COG5: variants seen among roughly 807,000 people sequenced by gnomAD.
COG5 encodes the protein conserved oligomeric Golgi complex subunit 5.
COG5 carries 86 observed loss-of-function variants against 110.4 expected under a neutral mutation model. The ratio of observed to expected loss-of-function variants is 0.78; its 90% CI spans 0.65 to 0.93. The LOEUF is 0.93. Among genes scored for constraint, COG5 ranks in the 40% least tolerant of loss-of-function variants. The pLI is 0.00. For synonymous variants in COG5, 360 were observed against 334.6 expected (o/e 1.08, Z -0.83); for missense variants, 1,077 against 987.0 (o/e 1.09, Z -1.22).
At chr7:107,432,336 T>C (rs1256486283) in intron 6 of COG5, among the ~76,000 whole-genome samples, 1 of 152,160 alleles carries the variant, frequency 6.6e-6, no homozygotes, top group East Asian at 1.9e-4. Context: ...GACAAAACAT[T>C]GCTGGGTTAA....
intron 6 of COG5, among the ~76,000 whole-genome samples, chr7:107,422,005 A>G (rs897621719): frequency 2.0e-5 from 3 of 152,186 alleles, no homozygotes; most frequent in Non-Finnish European, 2.9e-5. Flanking sequence ...AAACTTTGTT[A>G]TTAGAAAAAG....
At chr7:107,415,808 A>G (rs1335299396) in intron 6 of COG5, among the ~76,000 whole-genome samples, 1 of 111,464 alleles carries the variant, frequency 9.0e-6, no homozygotes, top group Admixed American at 8.9e-5. Flanking sequence ...ATGTGTGTAT[A>G]TATACACACA....
intron 17 of COG5, among the ~76,000 whole-genome samples, chr7:107,240,339 C>T (rs1259148010): frequency 6.6e-6 from 1 of 152,136 alleles, no homozygotes; most frequent in East Asian, 1.9e-4. Flanking sequence ...ACTCAGCCTC[C>T]CCAGTAGCTT....
intron 6 of COG5, among the ~76,000 whole-genome samples, chr7:107,428,549 G>C (rs547252112): frequency 2.0e-4 from 31 of 152,322 alleles, no homozygotes; most frequent in African/African-American, 7.2e-4. Flanking sequence ...AGAGCCTTCA[G>C]AGAGAGTATG....
Position 107,227,408 on chromosome 7 carries a change from T to TA in COG5, c.2168+3206dup, listed in dbSNP as rs544033829. Among the ~76,000 whole-genome samples the TA allele has an allele frequency of 4.8e-3, 707 of 147,066 alleles. 4 individuals carry two copies. Among genetic ancestry groups the TA allele is most frequent in the Middle Eastern group, 0.025 (7 of 284 alleles). The stretch of plus-strand genomic sequence containing the variant: ...CTGTTACGCCATAAGAAGCTAGATA[T>TA]AAAAAAAAAAGTAGAACTATTAAAA... On this transcript the variant is annotated intron_variant, in intron 19 of 21. Transcript: ENST00000297135.
intron 14 of COG5, among the ~76,000 whole-genome samples, chr7:107,274,016 A>G (rs1307034419): frequency 6.6e-6 from 1 of 151,982 alleles, no homozygotes; most frequent in Non-Finnish European, 1.5e-5. Context: ...ATCATTAAGT[A>G]AATTACCATA....
At chr7:107,240,254 C>G (rs973719218) in intron 17 of COG5, among the ~76,000 whole-genome samples, 1 of 152,202 alleles carries the variant, frequency 6.6e-6, no homozygotes, top group Non-Finnish European at 1.5e-5. Flanking sequence ...CTCTGTCACT[C>G]AGGCTGGATG....
intron 11 of COG5, among the ~76,000 whole-genome samples, chr7:107,310,277 G>A (rs139667714): frequency 1.6e-3 from 241 of 152,272 alleles, no homozygotes; most frequent in African/African-American, 5.5e-3. Context: ...ATCACACAGT[G>A]CTACTTCATA....
chr7:107,239,220 C>T (rs1378802238), intron 17 of COG5, among the ~76,000 whole-genome samples: 1 of 152,168 alleles, frequency 6.6e-6, no homozygotes, highest in Non-Finnish European at 1.5e-5. Context: ...ATTGAAGGAA[C>T]TGTCCTTATT....
chr7:107,475,091 T>G, intron 6 of COG5: 2 of 1,612,806 alleles, frequency 1.2e-6, no homozygotes, highest in Non-Finnish European at 1.7e-6. Flanking sequence ...CCAAGTGACC[T>G]TTTAGTAAAA....
At position 107,289,383 on chromosome 7, in the gene COG5, T is replaced by A. The variant is rs561599371; in HGVS notation, c.1314-5651A>T. Among the ~76,000 whole-genome samples, 3 of 152,336 alleles carry A rather than the reference T, an allele frequency of 2.0e-5. No homozygotes were observed. The South Asian group carries it at 6.2e-4, about 32-fold the overall frequency. ...TGTCTATCCTTGTGCCAGGCAGTAC[T>A]ATACCATAGGGATTAAAATTGCTTT... On this transcript the variant is annotated intron_variant, in intron 12 of 21. Transcript: ENST00000297135.
intron 10 of COG5, among the ~76,000 whole-genome samples, chr7:107,360,002 A>T (rs1040934977): frequency 2.0e-5 from 3 of 152,168 alleles, no homozygotes; most frequent in Non-Finnish European, 4.4e-5. Flanking sequence ...GATACAAGCT[A>T]ACCACTCGAG....
chr7:107,412,689 G>C, intron 6 of COG5, 57 bp from the exon 7 acceptor site: 2 of 1,003,422 alleles, frequency 2.0e-6, no homozygotes, highest in Non-Finnish European at 2.9e-6. Flanking sequence ...AAATATCAAG[G>C]TATCAAAATA....
At chr7:107,446,608 AC>A in intron 6 of COG5, among the ~76,000 whole-genome samples, 1 of 152,296 alleles carries the variant, frequency 6.6e-6, no homozygotes, top group East Asian at 1.9e-4. Context: ...TATACTGTGT[AC>A]CCACATGCTC....
chr7:107,454,391 G>C (rs955118600), intron 6 of COG5, among the ~76,000 whole-genome samples: 2 of 152,080 alleles, frequency 1.3e-5, no homozygotes, highest in African/African-American at 4.8e-5. Context: ...TGGGGAACGG[G>C]GGAGGAATAA....
At chr7:107,475,585 T>G (rs2129113834) in intron 6 of COG5, 1 of 392,020 alleles carries the variant, frequency 2.6e-6, no homozygotes, top group East Asian at 4.0e-5. Flanking sequence ...GTGTATATTT[T>G]GTCAATATTA....
chr7:107,488,279 A>T (rs1010355751), intron 6 of COG5, among the ~76,000 whole-genome samples: 4 of 151,676 alleles, frequency 2.6e-5, no homozygotes, highest in African/African-American at 7.2e-5. Flanking sequence ...ATTATTAAAT[A>T]AAAAATATAT....
At chr7:107,563,627 C>T in intron 1 of COG5, 176 bp downstream of exon 1, 1 of 725,804 alleles carries the variant, frequency 1.4e-6, no homozygotes. Flanking sequence ...GAGCCAGTCC[C>T]AGAGTAAATA....
In COG5 at chr7:107,351,612, A is replaced by G. The variant is rs141082497; in HGVS notation, c.1026+10421T>C. ...TACAATAAACTCAAACAAATTTACA[A>G]GAAAAAAAACAAACAACCCCATCAA... On this transcript the variant is annotated intron_variant, in intron 10 of 21. Transcript: ENST00000297135. 7.3e-3 allele frequency among the ~76,000 whole-genome samples: 1,109 copies of G among 152,330 alleles called. 14 individuals are homozygous for G. Among genetic ancestry groups the G allele is most frequent in the African/African-American group, 0.025 (1,033 of 41,570 alleles).
Sources: allele counts gnomAD v4.1 joint callset (sites outside exome capture counted in the v4.1 genomes callset), GRCh38; gene constraint gnomAD v4.1.1; transcripts MANE v1.5; gene names NCBI Gene and HGNC (gene_info 2026-07-23, HGNC 2026-07-21).